The following DYM variants were observed in gnomAD, a reference collection of about 807,000 sequenced individuals.
DYM encodes the protein dyggve-Melchior-Clausen syndrome protein.
DYM carries 78 observed loss-of-function variants against 93.1 expected under a neutral mutation model. The ratio of observed to expected loss-of-function variants is 0.84; its 90% CI spans 0.70 to 1.01. The LOEUF (loss-of-function observed/expected upper bound fraction) is 1.01, where lower values mean the gene tolerates loss of function less well. DYM is among the 50% of genes least tolerant of loss of function. DYM has a pLI of 0.00. For missense variants in DYM, 789 were observed against 845.0 expected (o/e 0.93, Z 0.82); for synonymous variants, 321 against 319.7 (o/e 1.00, Z -0.04).
Position 49,262,127 on chromosome 18 carries a change from A to C in DYM, c.1252-3634T>G, listed in dbSNP as rs1442139280. Among the ~76,000 whole-genome samples the C allele has an allele frequency of 2.6e-5, 4 of 152,204 alleles. No individual in the cohort carries two copies. The East Asian group carries it at 5.8e-4, about 22-fold the overall frequency. On this transcript the variant is annotated intron_variant, in intron 11 of 17. Transcript: ENST00000675505. ...TTAATGTGGACTCTAGGTCAGTATGACTGCTGGTGACTGTAAGATGAGGAA... is the reference window on the plus strand; with the variant it reads ...TTAATGTGGACTCTAGGTCAGTATGCCTGCTGGTGACTGTAAGATGAGGAA...
intron 13 of DYM, among the ~76,000 whole-genome samples, chr18:49,214,625 A>AGTTC (rs2092943594): frequency 6.6e-6 from 1 of 152,142 alleles, no homozygotes; most frequent in African/African-American, 2.4e-5. Flanking sequence ...GAGGGGCTGA[A>AGTTC]GGGGCTAATT....
intron 1 of DYM, among the ~76,000 whole-genome samples, chr18:49,442,817 C>A (rs2148627354): frequency 6.6e-6 from 1 of 152,170 alleles, no homozygotes; most frequent in South Asian, 2.1e-4. Context: ...CAAATTACAG[C>A]CCAAGGGCTA....
intron 6 of DYM, among the ~76,000 whole-genome samples, chr18:49,335,537 C>T (rs1763229082): frequency 6.6e-6 from 1 of 152,174 alleles, no homozygotes; most frequent in Admixed American, 6.5e-5. Flanking sequence ...GAATGAAAGA[C>T]AAACTTGATG....
At chr18:49,426,860 T>C (rs2074348315) in intron 2 of DYM, among the ~76,000 whole-genome samples, 1 of 151,990 alleles carries the variant, frequency 6.6e-6, no homozygotes, top group African/African-American at 2.4e-5. Context: ...TATAGACTTC[T>C]TTGTCATGAT....
At chr18:49,129,214 G>T (rs182669158) in intron 15 of DYM, among the ~76,000 whole-genome samples, 52 of 151,962 alleles carry the variant, frequency 3.4e-4, no homozygotes, top group Non-Finnish European at 6.9e-4. Context: ...GACAGGGCAC[G>T]TCACTTTCAC....
At chr18:49,396,066 T>C (rs980262158) in intron 2 of DYM, among the ~76,000 whole-genome samples, 1 of 152,180 alleles carries the variant, frequency 6.6e-6, no homozygotes, top group African/African-American at 2.4e-5. Context: ...ATATGTTCTC[T>C]GTACACACCA....
In DYM at chr18:49,097,477, T is replaced by A; in HGVS notation, c.1950A>T (p.Gly650=). 1 of 1,614,022 alleles carries A rather than the reference T, an allele frequency of 6.2e-7. No homozygotes were observed. Among genetic ancestry groups the A allele is most frequent in the Non-Finnish European group, 8.5e-7 (1 of 1,179,930 alleles). ...GGACCCGTTCCACTGACAGCTCAGC[T>A]CCAGCTTGCAGCAACCTTGAGCTAA... is the stretch of plus-strand genomic sequence containing the variant. The part of the protein sequence containing the change: ...SFFSSRLLQA[G]AELSVERVLE... Residue 650 remains glycine, a synonymous_variant, in exon 17 of 18, where the codon GGA becomes GGT. Coordinates refer to ENST00000675505, the MANE Select transcript of DYM (RefSeq NM_001353214.3).
In DYM at chr18:49,052,553, A is replaced by G. The variant is rs994276302; in HGVS notation, c.2026-8349T>C. On this transcript the variant is annotated intron_variant, in intron 17 of 17. Coordinates refer to ENST00000675505, the MANE Select transcript of DYM (RefSeq NM_001353214.3). Reference sequence around the variant, plus strand: ...TTTCCTTTATGTCCCTTTGTAGAGAACAATGATGCCATCCTGTGAGGCTAA... The same window carrying G: ...TTTCCTTTATGTCCCTTTGTAGAGAGCAATGATGCCATCCTGTGAGGCTAA... 3.9e-5 allele frequency among the ~76,000 whole-genome samples: 6 copies of G among 152,366 alleles called. No homozygotes were observed. The South Asian group carries it at 1.2e-3, about 32-fold the overall frequency.
intron 14 of DYM, among the ~76,000 whole-genome samples, chr18:49,196,324 G>T (rs932632209): frequency 6.6e-6 from 1 of 152,066 alleles, no homozygotes; most frequent in African/African-American, 2.4e-5. Flanking sequence ...AGTAGACTGA[G>T]CAAGTCTGCA....
rs141725462 is a variant in DYM at position 49,314,883 on chromosome 18, T to C, written c.763+16981A>G. Among the ~76,000 whole-genome samples, 481 of 152,310 alleles carry C rather than the reference T, an allele frequency of 3.2e-3. 5 individuals are homozygous for C. The highest frequency in any genetic ancestry group is 0.011 in the African/African-American group (456 of 41,574). ...CTCTTTTCTGTTTGGCTCACTCTTT[T>C]TGTGTGTTGCAATCATGTTTACTAA... is the stretch of plus-strand genomic sequence containing the variant. On this transcript the variant is annotated intron_variant, in intron 8 of 17. Transcript: ENST00000675505.
intron 3 of DYM, among the ~76,000 whole-genome samples, chr18:49,383,949 GC>G (rs139384553): frequency 0.083 from 12,660 of 152,084 alleles, 768 homozygotes; most frequent in East Asian, 0.31. Context: ...TTAATACACA[GC>G]AATCAACAGT....
intron 17 of DYM, among the ~76,000 whole-genome samples, chr18:49,078,041 A>G (rs1406338565): frequency 6.6e-6 from 1 of 152,180 alleles, no homozygotes; most frequent in African/African-American, 2.4e-5. Context: ...CTTTGGGGAA[A>G]AAATTATTTG....
At chr18:49,440,040 AT>A (rs1191845329) in intron 1 of DYM, among the ~76,000 whole-genome samples, 1 of 147,222 alleles carries the variant, frequency 6.8e-6, no homozygotes, top group African/African-American at 2.5e-5. Context: ...AAATAAATAA[AT>A]AAATAAATAA....
At chr18:49,144,151 T>A (rs1430781145) in intron 15 of DYM, among the ~76,000 whole-genome samples, 1 of 152,140 alleles carries the variant, frequency 6.6e-6, no homozygotes, top group Admixed American at 6.5e-5. Context: ...TTTCTCTCTC[T>A]CCTTTCTTAT....
At chr18:49,356,186 A>G (rs576580642) in intron 6 of DYM, among the ~76,000 whole-genome samples, 24 of 152,310 alleles carry the variant, frequency 1.6e-4, no homozygotes, top group Non-Finnish European at 2.9e-4. Flanking sequence ...GGAGAATTAA[A>G]ATTTGCAGTT....
Position 49,222,286 on chromosome 18 carries a change from T to C in DYM, c.1461-12571A>G, listed in dbSNP as rs1265780793. Among the ~76,000 whole-genome samples the C allele has an allele frequency of 2.0e-5, 3 of 152,122 alleles. No individual in the cohort carries two copies. The South Asian group carries it at 6.2e-4, about 31-fold the overall frequency. Reference sequence around the variant, plus strand: ...ATTAGAACTAAGAGTATAATCTTTTTTCTTTACAAGAATTTATATCTTTTC... The same window carrying C: ...ATTAGAACTAAGAGTATAATCTTTTCTCTTTACAAGAATTTATATCTTTTC... On this transcript the variant is annotated intron_variant, in intron 13 of 17. Coordinates refer to ENST00000675505, the MANE Select transcript of DYM (RefSeq NM_001353214.3).
At chr18:49,099,273 T>C (rs1372414897) in intron 16 of DYM, among the ~76,000 whole-genome samples, 1 of 152,142 alleles carries the variant, frequency 6.6e-6, no homozygotes, top group Non-Finnish European at 1.5e-5. Context: ...TTTATAGCAG[T>C]AGATCATACA....
intron 15 of DYM, among the ~76,000 whole-genome samples, chr18:49,151,056 C>T (rs568635557): frequency 1.3e-5 from 2 of 152,296 alleles, no homozygotes; most frequent in Admixed American, 6.5e-5. Flanking sequence ...AATCAACTGG[C>T]CTTCCTACTT....
chr18:49,273,424 C>T (rs1009780363), intron 10 of DYM, among the ~76,000 whole-genome samples: 8 of 152,248 alleles, frequency 5.3e-5, no homozygotes, highest in Non-Finnish European at 1.0e-4. Context: ...ATTTTTTAGT[C>T]ATTTAACTCA....
Sources: gnomAD v4.1 joint callset for allele counts (sites outside exome capture counted in the v4.1 genomes callset) on GRCh38, gnomAD v4.1.1 for gene constraint, MANE v1.5 for transcripts, NCBI Gene and HGNC (gene_info 2026-07-23, HGNC 2026-07-21) for gene names.